The following HHLA1 variants were observed in gnomAD, a reference collection of about 807,000 sequenced individuals.
HHLA1 encodes the protein HHLA1 neighbor of OC90.
Under a neutral mutation model 69.9 loss-of-function variants are expected in HHLA1, and 72 were observed. That is an observed-to-expected ratio of 1.03 (90% CI 0.85 to 1.25). The LOEUF (loss-of-function observed/expected upper bound fraction) is 1.25. Ranked by LOEUF, HHLA1 falls within the 50% of genes most tolerant of loss-of-function variation. The pLI is 0.00. For synonymous variants in HHLA1, 252 were observed against 233.2 expected, an observed-to-expected ratio of 1.08 and a Z score of -0.73; for missense variants, 685 against 642.2, an observed-to-expected ratio of 1.07 and a Z score of -0.72.
At chr8:132,087,761 G>A (rs1823887272) in intron 9 of HHLA1, 22 bp from the exon 10 acceptor site, 1 of 1,545,596 alleles carries the variant, frequency 6.5e-7, no homozygotes, top group African/African-American at 1.4e-5. Context: ...ACACCAACAG[G>A]GTCAGATCTT....
intron 14 of HHLA1, among the ~76,000 whole-genome samples, chr8:132,075,552 AG>A (rs1823620360): frequency 6.6e-6 from 1 of 152,248 alleles, no homozygotes; most frequent in Non-Finnish European, 1.5e-5. Context: ...TGGAAAGGGT[AG>A]GTATCCCTTA....
At position 132,076,065 on chromosome 8, in the gene HHLA1, A is replaced by C. The variant is rs1466490447; in HGVS notation, c.1305T>G (p.His435Gln). Residue 435 changes from histidine to glutamine, a missense_variant, in exon 14 of 17, where the codon CAT becomes CAG. Coordinates refer to ENST00000414222, the MANE Select transcript of HHLA1 (RefSeq NM_001145095.3). ...GGCACTGGTACTTACTTGAAACTTG[A>C]TGGGGTCTTGGGACCAGGACTGGCT... ...GEEPVLVPRP[H>Q]QVSRCPQPLF... 6.4e-7 allele frequency: 1 copy of C among 1,551,008 alleles called. No homozygotes were observed. The highest frequency in any genetic ancestry group is 1.4e-5 in the African/African-American group (1 of 73,018).
intron 10 of HHLA1, among the ~76,000 whole-genome samples, chr8:132,083,526 G>A (rs537391561): frequency 6.6e-6 from 1 of 152,210 alleles, no homozygotes; most frequent in East Asian, 1.9e-4. Flanking sequence ...AGAAGATCTG[G>A]GAAGGAGTCA....
intron 15 of HHLA1, among the ~76,000 whole-genome samples, chr8:132,067,932 C>T (rs1182270724): frequency 6.6e-6 from 1 of 152,198 alleles, no homozygotes; most frequent in Admixed American, 6.5e-5. Flanking sequence ...TGGCTTCAAG[C>T]CCTGCCCTCT....
rs550302362 is a variant in HHLA1, at chr8:132,087,554, C to A, written c.676+99G>T. On this transcript the variant is annotated intron_variant, in intron 10 of 16. Transcript: ENST00000414222. ...TTCTCTGATTTTTAATACAGTATAG[C>A]GAAACACAACACCTGAGGGCAGCTT... The A allele has an allele frequency of 1.7e-5, 12 of 719,394 alleles. No homozygotes were observed. In the Admixed American group the frequency reaches 2.1e-4, roughly 13 times the overall value. 44.6% of individuals were successfully genotyped at this position (719,394 alleles called of 1,614,324 possible). A position where few individuals can be genotyped will look rare whatever the true frequency, so the allele number is the denominator to read the frequency against.
chr8:132,095,777 T>A lies in HHLA1; in HGVS notation c.290A>T (p.Lys97Met), dbSNP rs772640542. Residue 97 changes from lysine (K) to methionine (M), a missense_variant, in exon 6 of 17, where the codon AAG becomes ATG. Physicochemically the swap from Lys to Met is moderately conservative, Grantham distance 95. Transcript: ENST00000414222. The part of the protein sequence containing the change: ...MLSRALKDSK[K>M]FFSLLSVTSY... ...AGTGACACTCAGCAAGGAGAAGAAC[T>A]TCTTGCTATCTGCCAAAACATACCA... 1.2e-5 allele frequency: 19 copies of A among 1,549,842 alleles called. No homozygotes were observed. The African/African-American group carries it at 2.1e-4, about 17-fold the overall frequency.
At chr8:132,087,941 G>C in intron 8 of HHLA1, 40 bp from the exon 9 acceptor site, 1 of 1,423,402 alleles carries the variant, frequency 7.0e-7, no homozygotes, top group Non-Finnish European at 9.7e-7. Context: ...TTAGCCATGG[G>C]TCTGAAGCTG....
chr8:132,102,932 A>T (rs1335054057), intron 3 of HHLA1, among the ~76,000 whole-genome samples: 1 of 152,086 alleles, frequency 6.6e-6, no homozygotes, highest in African/African-American at 2.4e-5. Context: ...TTTGAACAGG[A>T]TGTAATACAG....
intron 14 of HHLA1, 76 bp from the exon 15 acceptor site, chr8:132,071,569 A>C: frequency 1.5e-6 from 2 of 1,370,148 alleles, no homozygotes; most frequent in Non-Finnish European, 1.0e-6. Context: ...GCCCTGCATC[A>C]GGTGAATATA....
intron 2 of HHLA1, among the ~76,000 whole-genome samples, chr8:132,104,758 T>C (rs148483580): frequency 4.6e-5 from 7 of 152,128 alleles, no homozygotes; most frequent in African/African-American, 1.7e-4. Flanking sequence ...AAGGACCTGG[T>C]ACACTACACA....
intron 11 of HHLA1, 87 bp downstream of exon 11, chr8:132,079,630 AG>A: frequency 2.2e-6 from 3 of 1,359,084 alleles, no homozygotes; most frequent in Non-Finnish European, 3.0e-6. Context: ...GAAGGGATTA[AG>A]GTAAGGATTT....
intron 7 of HHLA1, among the ~76,000 whole-genome samples, chr8:132,093,753 C>T (rs1343549301): frequency 2.0e-5 from 3 of 152,140 alleles, no homozygotes; most frequent in African/African-American, 7.2e-5. Context: ...TTATCTTTCA[C>T]ACAATCAGGA....
chr8:132,108,877 CAT>C (rs564037793), intron 1 of HHLA1, among the ~76,000 whole-genome samples: 7 of 152,334 alleles, frequency 4.6e-5, no homozygotes, highest in Admixed American at 3.9e-4. Context: ...TTCCTTCCCA[CAT>C]TATACTGCCT....
intron 10 of HHLA1, among the ~76,000 whole-genome samples, chr8:132,082,473 T>A (rs1823772370): frequency 6.6e-6 from 1 of 151,980 alleles, no homozygotes; most frequent in African/African-American, 2.4e-5. Flanking sequence ...GATGCTGGGG[T>A]TTGAGAGATC....
At chr8:132,086,366 T>C (rs901480369) in intron 10 of HHLA1, among the ~76,000 whole-genome samples, 1 of 152,024 alleles carries the variant, frequency 6.6e-6, no homozygotes, top group Non-Finnish European at 1.5e-5. Context: ...ATTGCAGGAG[T>C]GGCCTTGCAG....
intron 3 of HHLA1, among the ~76,000 whole-genome samples, chr8:132,101,724 C>T (rs1003644108): frequency 6.6e-6 from 1 of 152,014 alleles, no homozygotes; most frequent in Non-Finnish European, 1.5e-5. Flanking sequence ...CAGGTGTGCA[C>T]CACCACGCCT....
chr8:132,063,436 T>C lies in HHLA1; in HGVS notation c.*559A>G, dbSNP rs1313518884. 1 of 152,230 alleles carries C rather than the reference T, an allele frequency of 6.6e-6. No homozygotes were observed. The highest frequency in any genetic ancestry group is 1.5e-5 in the Non-Finnish European group (1 of 68,046). 9.4% of individuals were successfully genotyped at this position (152,230 alleles called of 1,614,324 possible). On this transcript the variant is annotated 3_prime_UTR_variant, in exon 17 of 17. Transcript: ENST00000414222. Reference sequence around the variant, plus strand: ...TGATAAAGTTTTCATTATCGCCCACTTAAGGGGGCTTGGAAGATTATATAG... The same window carrying C: ...TGATAAAGTTTTCATTATCGCCCACCTAAGGGGGCTTGGAAGATTATATAG...
intron 10 of HHLA1, 185 bp from the exon 11 acceptor site, chr8:132,080,151 C>G (rs1048179370): frequency 6.2e-5 from 50 of 812,858 alleles, no homozygotes; most frequent in Non-Finnish European, 9.6e-5. Flanking sequence ...TCTTCCACCT[C>G]CAGCCCTCAG....
chr8:132,098,955 G>T lies in HHLA1; in HGVS notation c.207C>A (p.Pro69=), dbSNP rs368271188. The T allele has an allele frequency of 7.1e-6, 11 of 1,548,830 alleles. No individual in the cohort carries two copies. Among genetic ancestry groups the T allele is most frequent in the Non-Finnish European group, 9.6e-6 (11 of 1,145,264 alleles). ...GVAFLATTEL[P]ARSIDLSALN... ...GCGCGGACAGATCGATTGACCTTGC[G>T]GGCAGCTCTGAAAGAGATTCAGAGA... is the stretch of plus-strand genomic sequence containing the variant. Residue 69 remains proline (P), a synonymous_variant, in exon 5 of 17, where the codon CCC becomes CCA. Coordinates refer to ENST00000414222, the MANE Select transcript of HHLA1 (RefSeq NM_001145095.3).
Sources: gnomAD v4.1 joint callset for allele counts (sites outside exome capture counted in the v4.1 genomes callset) on GRCh38, gnomAD v4.1.1 for gene constraint, MANE v1.5 for transcripts, NCBI Gene and HGNC (gene_info 2026-07-23, HGNC 2026-07-21) for gene names.